Variants in RPS6KC1 observed in about 807,000 individuals in gnomAD.
RPS6KC1 encodes the protein ribosomal protein S6 kinase C1.
Under a neutral mutation model 103.8 loss-of-function variants are expected in RPS6KC1, and 54 were observed. The observed-to-expected ratio is 0.52, with a 90% CI of 0.42 to 0.65. The LOEUF (loss-of-function observed/expected upper bound fraction) is 0.65, where lower values mean the gene tolerates loss of function less well. Among genes scored for constraint, RPS6KC1 ranks in the 30% least tolerant of loss-of-function variants. The pLI is 0.00. For synonymous variants in RPS6KC1, 439 were observed against 438.7 expected (o/e 1.00, Z -0.01); for missense variants, 1,151 against 1,253.8 (o/e 0.92, Z 1.24).
the RPS6KC1 span, among the ~76,000 whole-genome samples, chr1:213,606,075 G>A: frequency 6.6e-6 from 1 of 152,140 alleles, no homozygotes. Flanking sequence ...ACAGAGCAAA[G>A]GCAATTTATT....
At chr1:213,519,680 A>T in the RPS6KC1 span, among the ~76,000 whole-genome samples, 1 of 152,172 alleles carries the variant, frequency 6.6e-6, no homozygotes, top group Admixed American at 6.5e-5. Context: ...ACAGTCAGTT[A>T]TTTAAAATCT....
At chr1:213,651,968 C>A in the RPS6KC1 span, among the ~76,000 whole-genome samples, 1 of 152,176 alleles carries the variant, frequency 6.6e-6, no homozygotes, top group Non-Finnish European at 1.5e-5. Context: ...TGCTTCCTGA[C>A]TCACCCTGTA....
At chr1:213,685,215 C>A in the RPS6KC1 span, among the ~76,000 whole-genome samples, 3 of 152,074 alleles carry the variant, frequency 2.0e-5, no homozygotes, top group Admixed American at 6.5e-5. Context: ...TTTATTTGTG[C>A]GGTGGAAGGA....
chr1:213,108,533 T>C (rs1219073823), intron 4 of RPS6KC1, among the ~76,000 whole-genome samples: 2 of 152,294 alleles, frequency 1.3e-5, no homozygotes, highest in African/African-American at 2.4e-5. Flanking sequence ...TACTTTACTT[T>C]TTCAAAATTG....
the RPS6KC1 span, among the ~76,000 whole-genome samples, chr1:213,292,775 A>T: frequency 6.6e-6 from 1 of 152,246 alleles, no homozygotes. Flanking sequence ...GAAGAACTGC[A>T]GGCCCTCTTA....
At chr1:213,649,083 G>A in the RPS6KC1 span, among the ~76,000 whole-genome samples, 2 of 151,832 alleles carry the variant, frequency 1.3e-5, no homozygotes, top group African/African-American at 4.8e-5. Flanking sequence ...AGGAAGAGGC[G>A]GCATCCTCCT....
At chr1:213,329,573 G>GT in the RPS6KC1 span, among the ~76,000 whole-genome samples, 5 of 118,622 alleles carry the variant, frequency 4.2e-5, no homozygotes, top group African/African-American at 2.7e-4. Flanking sequence ...TTATTCAGTT[G>GT]ATTTTTTTTT....
chr1:213,812,640 G>C, the RPS6KC1 span, among the ~76,000 whole-genome samples: 3 of 152,158 alleles, frequency 2.0e-5, no homozygotes, highest in Admixed American at 6.5e-5. Flanking sequence ...AGTTGTGTGT[G>C]TTAAAGAGAT....
intron 8 of RPS6KC1, among the ~76,000 whole-genome samples, chr1:213,209,054 A>G (rs984034248): frequency 1.3e-5 from 2 of 152,054 alleles, no homozygotes; most frequent in South Asian, 4.1e-4. Flanking sequence ...TGGATGAACT[A>G]AGACCACACC....
the RPS6KC1 span, among the ~76,000 whole-genome samples, chr1:213,720,316 A>G: frequency 3.3e-5 from 5 of 152,264 alleles, no homozygotes; most frequent in African/African-American, 1.2e-4. Flanking sequence ...GACGCACTCA[A>G]CAGAGGATCG....
the RPS6KC1 span, among the ~76,000 whole-genome samples, chr1:213,610,065 A>T: frequency 6.6e-6 from 1 of 152,148 alleles, no homozygotes; most frequent in African/African-American, 2.4e-5. Flanking sequence ...CATTCTCATC[A>T]GCCATACCTT....
chr1:213,119,382 G>A (rs1253158452), intron 5 of RPS6KC1, among the ~76,000 whole-genome samples: 1 of 140,896 alleles, frequency 7.1e-6, no homozygotes, highest in African/African-American at 2.6e-5. Flanking sequence ...TGGGGGTGGA[G>A]GTTGCAGTGA....
At chr1:213,799,245 T>C in the RPS6KC1 span, among the ~76,000 whole-genome samples, 1 of 152,198 alleles carries the variant, frequency 6.6e-6, no homozygotes, top group Non-Finnish European at 1.5e-5. Flanking sequence ...AGCCCTGATG[T>C]GATGTAATTT....
chr1:213,781,038 CAACA>C, the RPS6KC1 span, among the ~76,000 whole-genome samples: 2 of 151,990 alleles, frequency 1.3e-5, no homozygotes, highest in Non-Finnish European at 2.9e-5. Flanking sequence ...AAAAAACAAA[CAACA>C]AACAAACAAA....
chr1:213,468,727 A>T, the RPS6KC1 span, among the ~76,000 whole-genome samples: 1 of 152,226 alleles, frequency 6.6e-6, no homozygotes, highest in Non-Finnish European at 1.5e-5. Flanking sequence ...TGCATATAAG[A>T]TTAAAAAAGA....
chr1:213,313,158 G>T, the RPS6KC1 span, among the ~76,000 whole-genome samples: 1 of 152,112 alleles, frequency 6.6e-6, no homozygotes, highest in Non-Finnish European at 1.5e-5. Flanking sequence ...GAAACCCAAA[G>T]CTCACGAAAA....
At chr1:213,657,643 C>A in the RPS6KC1 span, among the ~76,000 whole-genome samples, 1 of 151,928 alleles carries the variant, frequency 6.6e-6, no homozygotes, top group East Asian at 1.9e-4. Context: ...CCAGGCAGAA[C>A]GTATACAAAC....
At position 213,241,305 on chromosome 1, in the gene RPS6KC1, G is replaced by A; in HGVS notation, c.1829G>A (p.Ser610Asn). ...AGGATAGACAGTAAGGATAGCGCAAGTGAACTCCTGGGACTTGACTTTGGA... is the reference window on the plus strand; with the variant it reads ...AGGATAGACAGTAAGGATAGCGCAAATGAACTCCTGGGACTTGACTTTGGA... ...FFRIDSKDSASELLGLDFGEK... is the reference protein window; with the variant it reads ...FFRIDSKDSANELLGLDFGEK... The change falls in exon 11 of 15, where the codon AGT (serine) becomes AAT (asparagine). Residue 610 changes from serine to asparagine, a missense_variant. Ser to Asn is a conservative substitution (Grantham distance 46). Transcript: ENST00000366960. 1 of 1,613,976 alleles carries A rather than the reference G, an allele frequency of 6.2e-7. No homozygotes were observed.
At chr1:213,643,769 G>C in the RPS6KC1 span, among the ~76,000 whole-genome samples, 1 of 151,852 alleles carries the variant, frequency 6.6e-6, no homozygotes, top group Admixed American at 6.6e-5. Flanking sequence ...GCTTGCTATA[G>C]ATTTCTAGTA....
Sources: gnomAD v4.1 joint callset for allele counts (sites outside exome capture counted in the v4.1 genomes callset) on GRCh38, gnomAD v4.1.1 for gene constraint, MANE v1.5 for transcripts, NCBI Gene and HGNC (gene_info 2026-07-23, HGNC 2026-07-21) for gene names.